BACH2: variants seen among roughly 807,000 people sequenced by gnomAD.
BACH2 encodes BACH transcriptional regulator 2, also known as transcription regulator protein BACH2.
In BACH2, 5 loss-of-function variants were observed where a neutral mutation model predicts 61.8. The observed-to-expected ratio is 0.08, with a 90% confidence interval of 0.04 to 0.17. The LOEUF (loss-of-function observed/expected upper bound fraction) is 0.17, where lower values mean the gene tolerates loss of function less well. Among genes scored for constraint, BACH2 ranks in the 10% least tolerant of loss-of-function variants. BACH2 has a pLI of 1.00. For missense variants in BACH2, 824 were observed against 1,091.1 expected, an observed-to-expected ratio of 0.76 and a Z score of 3.45; for synonymous variants, 446 against 440.1, an observed-to-expected ratio of 1.01 and a Z score of -0.17.
At chr6:89,971,974 T>G (rs958304695) in intron 6 of BACH2, among the ~76,000 whole-genome samples, 2 of 152,086 alleles carry the variant, frequency 1.3e-5, no homozygotes, top group African/African-American at 4.8e-5. Flanking sequence ...GGCATCTAAC[T>G]GAGGAGGTGA....
intron 4 of BACH2, among the ~76,000 whole-genome samples, chr6:90,096,973 C>T (rs540293015): frequency 5.3e-4 from 80 of 152,306 alleles, no homozygotes; most frequent in African/African-American, 1.9e-3. Context: ...TCCATCACAC[C>T]CATAACCATG....
Position 90,008,972 on chromosome 6 carries a change from AG to A in BACH2, c.-12-117del. On this transcript the variant is annotated intron_variant, in intron 5 of 8. Coordinates refer to ENST00000257749, the MANE Select transcript of BACH2 (RefSeq NM_021813.4). The surrounding 1 kb of genome is among the most constrained non-coding windows in gnomAD (Gnocchi z 4.1). ...ATGGTTCCTGTGTCCCACTGCCATG[AG>A]CATGGCAGGAAGGAGGGGAATTACC... 8.1e-7 allele frequency: 1 copy of A among 1,240,208 alleles called. No homozygotes were observed. 76.8% of individuals were successfully genotyped at this position (1,240,208 alleles called of 1,614,324 possible).
chr6:90,279,782 T>C (rs1165174247), intron 1 of BACH2, among the ~76,000 whole-genome samples: 2 of 152,232 alleles, frequency 1.3e-5, no homozygotes, highest in African/African-American at 4.8e-5. Context: ...TTAAGTCATT[T>C]AAGAACTTTT....
At chr6:90,226,165 G>A (rs888259136) in intron 3 of BACH2, among the ~76,000 whole-genome samples, 5 of 152,176 alleles carry the variant, frequency 3.3e-5, no homozygotes, top group African/African-American at 1.2e-4. Context: ...GAGGACGGAC[G>A]GTGGTGGCCA....
At chr6:89,946,880 C>A (rs376064569) in intron 7 of BACH2, among the ~76,000 whole-genome samples, 1 of 152,056 alleles carries the variant, frequency 6.6e-6, no homozygotes, top group Non-Finnish European at 1.5e-5. Context: ...GATAATACTG[C>A]GCTAATTTGA....
chr6:90,223,648 T>C (rs1042490022), intron 3 of BACH2, among the ~76,000 whole-genome samples: 1 of 151,774 alleles, frequency 6.6e-6, no homozygotes, highest in Non-Finnish European at 1.5e-5. Flanking sequence ...TTTTTTTTGT[T>C]TTTTTAAGTA....
chr6:90,200,681 T>TGGTATTTTTTA (rs1386613289), intron 4 of BACH2, among the ~76,000 whole-genome samples: 1 of 152,132 alleles, frequency 6.6e-6, no homozygotes, highest in Non-Finnish European at 1.5e-5. Context: ...AAGCTGAAAA[T>TGGTATTTTTTA]ACCAAAAAGT....
At position 89,963,267 on chromosome 6, in the gene BACH2, C is replaced by A. The variant is rs80255792; in HGVS notation, c.244-11405G>T. ...GCGAGGCCGTGGAGAAATTGAAATC[C>A]TTGTGCACTGTTTTATTTTTTATTT... On this transcript the variant is annotated intron_variant, in intron 6 of 8. Coordinates refer to ENST00000257749, the MANE Select transcript of BACH2 (RefSeq NM_021813.4). 8.5e-4 allele frequency among the ~76,000 whole-genome samples: 130 copies of A among 152,170 alleles called. 1 individual carries two copies. The East Asian group carries it at 0.023, about 26-fold the overall frequency.
chr6:90,184,824 G>C (rs1316357416), intron 4 of BACH2, among the ~76,000 whole-genome samples: 2 of 152,210 alleles, frequency 1.3e-5, no homozygotes, highest in Non-Finnish European at 2.9e-5. Flanking sequence ...TATGGCTAAG[G>C]GGGTGGCAAA....
At position 90,080,160 on chromosome 6, in the gene BACH2, G is replaced by A. The variant is rs149729922; in HGVS notation, c.-13+8801C>T. ...CCACATTTTGTTTTGAAACAATGAT[G>A]GTATTTTAAAAGTTCTTCAAATTAA... On this transcript the variant is annotated intron_variant, in intron 5 of 8. Transcript: ENST00000257749. Among the ~76,000 whole-genome samples the A allele has an allele frequency of 3.9e-5, 6 of 152,086 alleles. 1 individual carries two copies. In the East Asian group the frequency reaches 1.2e-3, roughly 29 times the overall value.
chr6:90,269,577 C>T lies in BACH2; in HGVS notation c.-353+2272G>A, dbSNP rs13204267. On this transcript the variant is annotated intron_variant, in intron 2 of 8. Coordinates refer to ENST00000257749, the MANE Select transcript of BACH2 (RefSeq NM_021813.4). Reference sequence around the variant, plus strand: ...GAAATAAGGAAATCCTGGATTCCCACCAAGGGGTAACCAGCATCAAAAGAC... The same window carrying T: ...GAAATAAGGAAATCCTGGATTCCCATCAAGGGGTAACCAGCATCAAAAGAC... 2.3e-3 allele frequency among the ~76,000 whole-genome samples: 350 copies of T among 152,258 alleles called. 2 individuals carry two copies. Among genetic ancestry groups the T allele is most frequent in the Non-Finnish European group, 3.9e-3 (263 of 68,022 alleles).
chr6:90,102,840 A>AAT (rs1439550715), intron 4 of BACH2, among the ~76,000 whole-genome samples: 1 of 91,242 alleles, frequency 1.1e-5, no homozygotes, highest in Non-Finnish European at 2.9e-5. Flanking sequence ...TAATAATAAT[A>AAT]AAAATAAAAG....
intron 4 of BACH2, among the ~76,000 whole-genome samples, chr6:90,134,262 G>C (rs1422982897): frequency 6.6e-6 from 1 of 152,200 alleles, no homozygotes; most frequent in Non-Finnish European, 1.5e-5. Context: ...TCTCATTGTG[G>C]TTTTGATTTG....
At chr6:89,941,205 C>T (rs916960692) in intron 7 of BACH2, among the ~76,000 whole-genome samples, 1 of 152,222 alleles carries the variant, frequency 6.6e-6, no homozygotes, top group Non-Finnish European at 1.5e-5. Flanking sequence ...TGCAGGCAGA[C>T]ACGAGTCCCG....
intron 4 of BACH2, among the ~76,000 whole-genome samples, chr6:90,116,547 A>G (rs1377191088): frequency 6.6e-6 from 1 of 152,140 alleles, no homozygotes; most frequent in Non-Finnish European, 1.5e-5. Context: ...TAATATGTAC[A>G]ACAAATCCCT....
chr6:90,052,495 C>T (rs754863926), intron 5 of BACH2, among the ~76,000 whole-genome samples: 1 of 152,210 alleles, frequency 6.6e-6, no homozygotes, highest in Non-Finnish European at 1.5e-5. Context: ...TCTTGGCTCA[C>T]TGCAACCTCC....
At chr6:90,191,324 G>A (rs2127844741) in intron 4 of BACH2, among the ~76,000 whole-genome samples, 1 of 152,288 alleles carries the variant, frequency 6.6e-6, no homozygotes, top group East Asian at 1.9e-4. Flanking sequence ...TAAGGAAGTG[G>A]CAGTCTACTA....
chr6:89,971,785 A>G (rs1357925986), intron 6 of BACH2, among the ~76,000 whole-genome samples: 1 of 152,068 alleles, frequency 6.6e-6, no homozygotes, highest in East Asian at 1.9e-4. Context: ...ATCAGATCTC[A>G]TGAGACTTAT....
In BACH2 at chr6:90,187,086, A is replaced by G. The variant is rs554222672; in HGVS notation, c.-162+19483T>C. On this transcript the variant is annotated intron_variant, in intron 4 of 8. Coordinates refer to ENST00000257749, the MANE Select transcript of BACH2 (RefSeq NM_021813.4). ...CTATAAAAAATTAGAAATTCTGCCA[A>G]CAAAAACCTCCTGAGGGAAACTAAG... Among the ~76,000 whole-genome samples, 156 of 152,382 alleles carry G rather than the reference A, an allele frequency of 1.0e-3. 1 individual carries two copies. The highest frequency in any genetic ancestry group is 1.2e-3 in the Non-Finnish European group (82 of 68,036).
Sources: allele counts gnomAD v4.1 joint callset (sites outside exome capture counted in the v4.1 genomes callset), GRCh38; gene constraint gnomAD v4.1.1; non-coding constraint Gnocchi (gnomAD v3.1); transcripts MANE v1.5; gene names NCBI Gene and HGNC (gene_info 2026-07-23, HGNC 2026-07-21).